BCAR3: variants seen among roughly 807,000 people sequenced by gnomAD.
BCAR3 encodes the protein breast cancer anti-estrogen resistance protein 3.
A neutral mutation model predicts 80.1 loss-of-function variants in BCAR3; 37 were observed. The observed-to-expected ratio is 0.46, with a 90% CI of 0.36 to 0.61. The LOEUF (loss-of-function observed/expected upper bound fraction) is 0.61. Among genes scored for constraint, BCAR3 ranks in the 20% least tolerant of loss-of-function variants. The pLI is 0.00. For synonymous variants in BCAR3, 389 were observed against 418.9 expected (o/e 0.93, Z 0.87); for missense variants, 978 against 1,068.2 (o/e 0.92, Z 1.18).
chr1:93,635,923 C>T (rs2101903022), intron 3 of BCAR3, among the ~76,000 whole-genome samples: 1 of 152,326 alleles, frequency 6.6e-6, no homozygotes, highest in East Asian at 1.9e-4. Context: ...TAATTGTGAC[C>T]ATGGCTGCAG....
At chr1:93,749,886 C>T (rs1393659336) in intron 2 of BCAR3, among the ~76,000 whole-genome samples, 20 of 140,378 alleles carry the variant, frequency 1.4e-4, no homozygotes, top group African/African-American at 4.1e-4. Context: ...ATGATCTTGA[C>T]TTATTTTTTT....
chr1:93,639,971 G>T (rs965814060), intron 3 of BCAR3, among the ~76,000 whole-genome samples: 1 of 151,730 alleles, frequency 6.6e-6, no homozygotes, highest in East Asian at 1.9e-4. Context: ...TGTTTTTTTC[G>T]GCCAATGAAT....
At chr1:93,664,583 G>T (rs1647813640) in intron 2 of BCAR3, among the ~76,000 whole-genome samples, 1 of 152,168 alleles carries the variant, frequency 6.6e-6, no homozygotes, top group Non-Finnish European at 1.5e-5. Context: ...ACACTATGGT[G>T]AGTCTATATA....
chr1:93,836,387 T>TCCCA (rs1408311694), intron 2 of BCAR3, among the ~76,000 whole-genome samples: 6 of 152,244 alleles, frequency 3.9e-5, no homozygotes, highest in African/African-American at 1.4e-4. Context: ...TTTTTATCCT[T>TCCCA]CTCTTATTTG....
chr1:93,731,388 C>T (rs1217208183), intron 2 of BCAR3, among the ~76,000 whole-genome samples: 1 of 152,222 alleles, frequency 6.6e-6, no homozygotes, highest in African/African-American at 2.4e-5. Context: ...ATTTCCTGTA[C>T]TATCTTTGCA....
intron 3 of BCAR3, among the ~76,000 whole-genome samples, chr1:93,638,046 G>A (rs1675849924): frequency 1.3e-5 from 2 of 152,158 alleles, no homozygotes; most frequent in South Asian, 2.1e-4. Flanking sequence ...TCAGGAGATC[G>A]AGACCATCCT....
chr1:93,640,076 G>A (rs1315116922), intron 3 of BCAR3, among the ~76,000 whole-genome samples: 3 of 152,114 alleles, frequency 2.0e-5, no homozygotes, highest in Admixed American at 6.5e-5. Flanking sequence ...CAAGCGGATT[G>A]TAGATAAGAA....
Position 93,588,982 on chromosome 1 carries a change from G to A in BCAR3, c.924C>T (p.Leu308=). 6.4e-7 allele frequency: 1 copy of A among 1,566,452 alleles called. No homozygotes were observed. The highest frequency in any genetic ancestry group is 8.7e-7 in the Non-Finnish European group (1 of 1,151,166). ...AREQNLPRGN[L]LRNKEKSGSQ... is the part of the protein sequence containing the mutation. ...CAGAGGAGGCCCTGACCTACCTGAG[G>A]AGGTTTCCCCTGGGCAAATTCTGCT... Residue 308 remains leucine, a synonymous_variant, in exon 5 of 12, where the codon CTC becomes CTT. Coordinates refer to ENST00000260502, the MANE Select transcript of BCAR3 (RefSeq NM_003567.4).
intron 2 of BCAR3, among the ~76,000 whole-genome samples, chr1:93,662,645 C>A (rs932800370): frequency 2.6e-5 from 4 of 152,020 alleles, no homozygotes; most frequent in African/African-American, 9.7e-5. Context: ...TTTTCCTCAC[C>A]CCACGGATAG....
intron 3 of BCAR3, chr1:93,605,415 T>A (rs1174460983): frequency 6.6e-6 from 1 of 152,246 alleles, no homozygotes; most frequent in African/African-American, 2.4e-5. Context: ...GGGCTGGCAC[T>A]TGGGTTAAAA....
chr1:93,840,135 C>T (rs1654905557), intron 2 of BCAR3, among the ~76,000 whole-genome samples: 1 of 152,194 alleles, frequency 6.6e-6, no homozygotes, highest in African/African-American at 2.4e-5. Flanking sequence ...GCATCCTGGG[C>T]ATCAAGATTC....
chr1:93,643,955 T>C (rs1676076323), intron 2 of BCAR3, among the ~76,000 whole-genome samples: 1 of 152,188 alleles, frequency 6.6e-6, no homozygotes, highest in Non-Finnish European at 1.5e-5. Flanking sequence ...CAAATTCCTA[T>C]CTAAGGGGTC....
rs572428068 is a variant in BCAR3, at chr1:93,695,121, C to A, written c.-12+10971G>T. Among the ~76,000 whole-genome samples the A allele has an allele frequency of 2.0e-5, 3 of 152,362 alleles. No homozygotes were observed. In the South Asian group the frequency reaches 6.2e-4, roughly 32 times the overall value. ...ATGCATCGACATCATTCTGGTCTAT[C>A]AGGCCCCTCCTGGGCTTCCTTCTTC... On this transcript the variant is annotated intron_variant, in intron 3 of 13. Transcript: ENST00000370244.
At chr1:93,670,736 G>T (rs1043520250) in intron 2 of BCAR3, among the ~76,000 whole-genome samples, 1 of 151,982 alleles carries the variant, frequency 6.6e-6, no homozygotes, top group African/African-American at 2.4e-5. Flanking sequence ...TTCAAACAAG[G>T]TAGTTTATGA....
chr1:93,847,910 C>G (rs890346840), upstream of BCAR3: 1 of 243,786 alleles, frequency 4.1e-6, no homozygotes, highest in Non-Finnish European at 8.1e-6. Flanking sequence ...GCGGCGGCGG[C>G]GGCGGCGGCG....
At chr1:93,671,709 T>C (rs1412856356) in intron 2 of BCAR3, among the ~76,000 whole-genome samples, 1 of 152,252 alleles carries the variant, frequency 6.6e-6, no homozygotes, top group African/African-American at 2.4e-5. Flanking sequence ...TCTAGAGCCT[T>C]GGGTTCTCAT....
chr1:93,659,740 A>C (rs1420649197), intron 2 of BCAR3, among the ~76,000 whole-genome samples: 1 of 151,928 alleles, frequency 6.6e-6, no homozygotes. Context: ...CAGCAAATTT[A>C]ACTACTTGGA....
At chr1:93,567,703 C>A in intron 10 of BCAR3, 37 bp downstream of exon 10, 7 of 1,570,298 alleles carry the variant, frequency 4.5e-6, no homozygotes, top group Non-Finnish European at 6.1e-6. Flanking sequence ...CACTCCCCAG[C>A]GGGGTAGCCC....
intron 2 of BCAR3, among the ~76,000 whole-genome samples, chr1:93,791,055 G>GT (rs1343882531): frequency 1.2e-5 from 1 of 85,504 alleles, no homozygotes; most frequent in South Asian, 4.9e-4. Flanking sequence ...GTCTATCATT[G>GT]TTGGACATTT....
Sources: allele counts gnomAD v4.1 joint callset (sites outside exome capture counted in the v4.1 genomes callset), GRCh38; gene constraint gnomAD v4.1.1; transcripts MANE v1.5; gene names NCBI Gene and HGNC (gene_info 2026-07-23, HGNC 2026-07-21).